AGT: variants seen among roughly 807,000 people sequenced by gnomAD.
AGT encodes the protein alpha-1 antiproteinase, antitrypsin.
In AGT, 26 loss-of-function variants were observed where a neutral mutation model predicts 28.1. The observed-to-expected ratio is 0.92, with a 90% CI of 0.68 to 1.28. The LOEUF (loss-of-function observed/expected upper bound fraction) is 1.28. Ranked by LOEUF, AGT falls within the 50% of genes most tolerant of loss-of-function variation. AGT has a pLI of 0.00. For synonymous variants in AGT, 259 were observed against 259.6 expected, an observed-to-expected ratio of 1.00 and a Z score of 0.02; for missense variants, 596 against 592.3, an observed-to-expected ratio of 1.01 and a Z score of -0.06.
rs769255088 is a variant in AGT, at chr1:230,710,653, G to T, written c.171C>A (p.Thr57=). 75 of 1,614,136 alleles carry T rather than the reference G, an allele frequency of 4.6e-5. No homozygotes were observed. Among genetic ancestry groups the T allele is most frequent in the Non-Finnish European group, 6.1e-5 (72 of 1,180,050 alleles). The part of the protein sequence containing the change: ...KANAGKPKDP[T]FIPAPIQAKT... ...TGGCCTGAATTGGAGCAGGTATGAA[G>T]GTGGGGTCTTTGGGCTTCCCGGCAT... Residue 57 remains threonine (T), a synonymous_variant, in exon 2 of 5, where the codon ACC becomes ACA. Coordinates refer to ENST00000366667, the MANE Select transcript of AGT (RefSeq NM_001384479.1).
chr1:230,731,333 C>T (rs1664051180), intron 1 of AGT, among the ~76,000 whole-genome samples: 1 of 152,180 alleles, frequency 6.6e-6, no homozygotes, highest in Admixed American at 6.5e-5. Context: ...CCCCTCCAGC[C>T]CCCTTCCATC....
In AGT at chr1:230,702,850, C is replaced by G. The variant is rs1663270782; in HGVS notation, c.*291G>C. ...TTGGAATTCTTTTTGGAACAGTAGT[C>G]CCGCGCTAAACACTGGTTCTTGCCT... On this transcript the variant is annotated 3_prime_UTR_variant, in exon 5 of 5. Coordinates refer to ENST00000366667, the MANE Select transcript of AGT (RefSeq NM_001384479.1). 4.6e-6 allele frequency: 2 copies of G among 431,712 alleles called. No individual in the cohort carries two copies. The highest frequency in any genetic ancestry group is 8.4e-6 in the Non-Finnish European group (2 of 238,096). 26.7% of individuals were successfully genotyped at this position (431,712 alleles called of 1,614,324 possible).
At chr1:230,745,249 G>C (rs577853594) in intron 1 of AGT, among the ~76,000 whole-genome samples, 1 of 152,274 alleles carries the variant, frequency 6.6e-6, no homozygotes, top group African/African-American at 2.4e-5. Flanking sequence ...GTGCAGAGAG[G>C]ATAGGGGAAA....
upstream of AGT, among the ~76,000 whole-genome samples, chr1:230,718,791 T>A (rs1663791118): frequency 7.2e-6 from 1 of 138,394 alleles, no homozygotes; most frequent in African/African-American, 2.7e-5. Flanking sequence ...AGTGGCACAA[T>A]CATGGCTCAC....
rs754373392 is a variant in AGT, at chr1:230,710,806, C to G, written c.18G>C (p.Val6=). ...GGCAGAGGATGGTGGCCCTCAGGCT[C>G]ACACCGGCAGGAGCCATCTCAGACT... is the stretch of plus-strand genomic sequence containing the variant. MAPAG[V]SLRATILCLL... is the part of the protein sequence containing the mutation. Residue 6 remains valine (V), a synonymous_variant, in exon 2 of 5, where the codon GTG becomes GTC. Coordinates refer to ENST00000366667, the MANE Select transcript of AGT (RefSeq NM_001384479.1). 3.1e-6 allele frequency: 5 copies of G among 1,613,970 alleles called. No homozygotes were observed. The South Asian group carries it at 5.5e-5, about 18-fold the overall frequency.
chr1:230,703,530 G>A (rs1002333564), intron 4 of AGT, among the ~76,000 whole-genome samples: 19 of 152,174 alleles, frequency 1.2e-4, no homozygotes, highest in African/African-American at 3.9e-4. Context: ...GTAGATGACC[G>A]TTAATTGGCC....
rs866154006 is a variant in AGT at position 230,710,602 on chromosome 1, G to A, written c.222C>T (p.Ala74=). 6.2e-7 allele frequency: 1 copy of A among 1,614,264 alleles called. No individual in the cohort carries two copies. Among genetic ancestry groups the A allele is most frequent in the Non-Finnish European group, 8.5e-7 (1 of 1,180,048 alleles). ...CGACTAGCACCAGCTGGTCCTGTAG[G>A]GCCTTTTCATCCACAGGGGATGTCT... ...QAKTSPVDEK[A]LQDQLVLVAA... Residue 74 remains alanine (A), a synonymous_variant, in exon 2 of 5, where the codon GCC becomes GCT. Coordinates refer to ENST00000366667, the MANE Select transcript of AGT (RefSeq NM_001384479.1).
intron 1 of AGT, among the ~76,000 whole-genome samples, chr1:230,712,235 C>T (rs1471482715): frequency 6.6e-6 from 1 of 152,176 alleles, no homozygotes; most frequent in African/African-American, 2.4e-5. Context: ...GATTTTTCTG[C>T]TTCATCTAAG....
chr1:230,728,071 G>A (rs1663977844), intron 1 of AGT, among the ~76,000 whole-genome samples: 1 of 152,162 alleles, frequency 6.6e-6, no homozygotes, highest in African/African-American at 2.4e-5. Context: ...GCAATCATAG[G>A]GGTGTGGAAA....
At chr1:230,734,473 T>C (rs1664120473) in intron 1 of AGT, among the ~76,000 whole-genome samples, 1 of 152,102 alleles carries the variant, frequency 6.6e-6, no homozygotes, top group Admixed American at 6.6e-5. Flanking sequence ...GATGGTGTGA[T>C]GAGTCCACAA....
At position 230,703,121 on chromosome 1, in the gene AGT, T is replaced by C. The variant is rs1319211216; in HGVS notation, c.*20A>G. Reference sequence around the variant, plus strand: ...CAGGGGCAGAGGCCTTGCCAGGCACTGTGTTCTGGGGCCCTGGCCTCATGC... The same window carrying C: ...CAGGGGCAGAGGCCTTGCCAGGCACCGTGTTCTGGGGCCCTGGCCTCATGC... On this transcript the variant is annotated 3_prime_UTR_variant, in exon 5 of 5. Transcript: ENST00000366667. The C allele has an allele frequency of 1.2e-6, 2 of 1,611,858 alleles. No homozygotes were observed. Among genetic ancestry groups the C allele is most frequent in the African/African-American group, 1.3e-5 (1 of 74,884 alleles).
intron 1 of AGT, among the ~76,000 whole-genome samples, chr1:230,739,199 T>A (rs1327942851): frequency 1.4e-5 from 1 of 71,078 alleles, no homozygotes; most frequent in African/African-American, 1.2e-4. Context: ...CCTCTACAGG[T>A]TTTTTTTTTT....
chr1:230,710,912 C>T, intron 1 of AGT, 59 bp from the exon 2 acceptor site: 1 of 1,568,904 alleles, frequency 6.4e-7, no homozygotes, highest in Non-Finnish European at 8.7e-7. Flanking sequence ...TAAGTGCCAT[C>T]TAACCAGATC....
chr1:230,722,479 G>A (rs1396499929), intron 1 of AGT, among the ~76,000 whole-genome samples: 1 of 152,228 alleles, frequency 6.6e-6, no homozygotes, highest in East Asian at 1.9e-4. Flanking sequence ...CACCTGGCTT[G>A]CACCATGCAC....
In AGT at chr1:230,705,925, G is replaced by T; in HGVS notation, c.1097+8C>A. On this transcript the variant is annotated splice_region_variant and intron_variant, in intron 3 of 4. Coordinates refer to ENST00000366667, the MANE Select transcript of AGT (RefSeq NM_001384479.1). ...CCCACATTCCAGGGGAGACCGGGAG[G>T]CTCCTACCGGGGAGATAGTTTCTTC... 6.2e-7 allele frequency: 1 copy of T among 1,613,986 alleles called. No homozygotes were observed. Among genetic ancestry groups the T allele is most frequent in the South Asian group, 1.1e-5 (1 of 91,028 alleles).
intron 3 of AGT, 22 bp downstream of exon 3, chr1:230,705,911 G>T: frequency 1.2e-6 from 2 of 1,613,526 alleles, no homozygotes; most frequent in South Asian, 1.1e-5. Flanking sequence ...CCACATTCCA[G>T]GGGAGACCGG....
intron 2 of AGT, among the ~76,000 whole-genome samples, chr1:230,707,983 G>A (rs911025550): frequency 6.6e-6 from 1 of 152,126 alleles, no homozygotes; most frequent in African/African-American, 2.4e-5. Context: ...CCTCTCTAGT[G>A]GGACACATCT....
chr1:230,715,069 G>A (rs187783386), upstream of AGT, among the ~76,000 whole-genome samples: 1 of 152,202 alleles, frequency 6.6e-6, no homozygotes, highest in African/African-American at 2.4e-5. Context: ...CAGGTTCAAG[G>A]AGCCACGGCA....
At chr1:230,703,403 G>T (rs191959532) in intron 4 of AGT, 74 bp from the exon 5 acceptor site, 9 of 1,529,018 alleles carry the variant, frequency 5.9e-6, no homozygotes, top group Non-Finnish European at 8.1e-6. Flanking sequence ...CTAGAGGGCC[G>T]GGGTGGGCTC....
Sources: gnomAD v4.1 joint callset for allele counts (sites outside exome capture counted in the v4.1 genomes callset) on GRCh38, gnomAD v4.1.1 for gene constraint, MANE v1.5 for transcripts, NCBI Gene and HGNC (gene_info 2026-07-23, HGNC 2026-07-21) for gene names.